Variants in NAV1 observed in about 807,000 individuals in gnomAD.
NAV1 encodes the protein pore membrane and/or filament interacting like protein 3.
Under a neutral mutation model 175.2 loss-of-function variants are expected in NAV1, and 18 were observed. That is an observed-to-expected ratio of 0.10 (90% confidence interval 0.07 to 0.15). The LOEUF (loss-of-function observed/expected upper bound fraction) is 0.15, where lower values mean the gene tolerates loss of function less well. NAV1 is among the 10% of genes least tolerant of loss of function. The probability of loss-of-function intolerance (pLI) is 1.00; values close to 1 mark genes in which losing one functional copy is unlikely to be tolerated. For synonymous variants in NAV1, 897 were observed against 978.7 expected (o/e 0.92, Z 1.56); for missense variants, 1,731 against 2,436.6 (o/e 0.71, Z 6.10).
chr1:201,776,335 CAAAAAA>C lies in NAV1; in HGVS notation c.1227-4067_1227-4062del, dbSNP rs71138352. Among the ~76,000 whole-genome samples, 361 of 71,900 alleles carry C rather than the reference CAAAAAA, an allele frequency of 5.0e-3. 1 individual carries two copies. Among genetic ancestry groups the C allele is most frequent in the Non-Finnish European group, 7.3e-3 (310 of 42,216 alleles). 47.2% of individuals were successfully genotyped at this position (71,900 alleles called of 152,430 possible). On this transcript the variant is annotated intron_variant, in intron 3 of 29. Transcript: ENST00000367296. ...GCAACATAAGGAGACCCTGACTCTA[CAAAAAA>C]AAAAAAAAAAAAAAAAAAGTTCGGG...
intron 3 of NAV1, among the ~76,000 whole-genome samples, chr1:201,767,384 G>A (rs1465524530): frequency 1.4e-4 from 19 of 136,578 alleles, no homozygotes; most frequent in South Asian, 2.2e-4. Context: ...CCAGGAGGTG[G>A]AGGTTGCAGT....
At chr1:201,579,777 G>C (rs1666795744) in intron 1 of NAV1, among the ~76,000 whole-genome samples, 1 of 152,092 alleles carries the variant, frequency 6.6e-6, no homozygotes, top group South Asian at 2.1e-4. Context: ...CTTGTATTAG[G>C]GTTCTTCAGA....
At chr1:201,607,655 C>T (rs146237033) in intron 2 of NAV1, among the ~76,000 whole-genome samples, 2,643 of 150,912 alleles carry the variant, frequency 0.018, 78 homozygotes, top group African/African-American at 0.061. Flanking sequence ...CCATACCCAG[C>T]TAATTTTTGT....
chr1:201,750,112 A>C lies in NAV1; in HGVS notation c.1227-30309A>C, dbSNP rs1189451881. Among the ~76,000 whole-genome samples the C allele has an allele frequency of 6.6e-6, 1 of 152,222 alleles. No individual in the cohort carries two copies. Among genetic ancestry groups the C allele is most frequent in the Non-Finnish European group, 1.5e-5 (1 of 68,040 alleles). On this transcript the variant is annotated intron_variant, in intron 3 of 29. Transcript: ENST00000367296. The surrounding 1 kb of genome is among the most constrained non-coding windows in gnomAD (Gnocchi z 4.1). ...TGAAGACTCAAGTTGGAAAAGCAGA[A>C]GTGTATCAGGAAAAATTCTATTGGT...
Position 201,813,244 on chromosome 1 carries a change from A to G in NAV1, c.5326A>G (p.Lys1776Glu). 6.2e-7 allele frequency: 1 copy of G among 1,612,624 alleles called. No homozygotes were observed. Among genetic ancestry groups the G allele is most frequent in the Non-Finnish European group, 8.5e-7 (1 of 1,178,644 alleles). Residue 1776 changes from lysine to glutamate, a missense_variant, in exon 28 of 30, where the codon AAG becomes GAG. Physicochemically the swap from Lys to Glu is moderately conservative, Grantham distance 56. Coordinates refer to ENST00000367296, the Ensembl canonical transcript of NAV1. The surrounding 1 kb of genome is among the most constrained non-coding windows in gnomAD (Gnocchi z 4.2). ...CATTCCCTATCTACAGGAAGGAGCC[A>G]AGGATGGGATAAAGGTGAGCCCTAC...
chr1:201,695,956 A>G (rs1229124834), intron 1 of NAV1, among the ~76,000 whole-genome samples: 1 of 152,208 alleles, frequency 6.6e-6, no homozygotes, highest in Non-Finnish European at 1.5e-5. Flanking sequence ...AGGAGAGCAG[A>G]AATGGGGCTG....
intron 2 of NAV1, among the ~76,000 whole-genome samples, chr1:201,594,453 T>C (rs1667295761): frequency 6.6e-6 from 1 of 152,142 alleles, no homozygotes; most frequent in Admixed American, 6.5e-5. Context: ...AAGAGAGCCC[T>C]GTAATCAGAG....
In NAV1 at chr1:201,561,365, ATCACAC is replaced by A. The variant is rs1247894596; in HGVS notation, c.-144+22024_-144+22029del. Reference sequence around the variant, plus strand: ...AAAAGAAGGTAAACGAATCTGCCCCATCACACATGGTGTTACGCAAAAACAGGATGT... The same window carrying A: ...AAAAGAAGGTAAACGAATCTGCCCCAATGGTGTTACGCAAAAACAGGATGT... On this transcript the variant is annotated intron_variant, in intron 1 of 33. Coordinates refer to the NAV1 transcript ENST00000685211. Among the ~76,000 whole-genome samples the A allele has an allele frequency of 2.6e-5, 4 of 152,340 alleles. No individual in the cohort carries two copies. In the East Asian group the frequency reaches 7.7e-4, roughly 29 times the overall value.
chr1:201,715,644 G>C (rs1672108489), intron 2 of NAV1, among the ~76,000 whole-genome samples: 1 of 152,214 alleles, frequency 6.6e-6, no homozygotes, highest in Non-Finnish European at 1.5e-5. Context: ...CATGCCAGCT[G>C]TGTGCCAGGC....
intron 3 of NAV1, among the ~76,000 whole-genome samples, chr1:201,776,818 T>C (rs1280625555): frequency 2.0e-5 from 3 of 151,844 alleles, no homozygotes; most frequent in Admixed American, 2.0e-4. Context: ...CTGAAGGTAA[T>C]GAGTGTGTAG....
intron 1 of NAV1, among the ~76,000 whole-genome samples, chr1:201,701,330 T>C (rs1388205320): frequency 1.3e-5 from 2 of 151,536 alleles, no homozygotes; most frequent in Non-Finnish European, 2.9e-5. Context: ...AGTTAATGGG[T>C]GCAACAAACC....
intron 1 of NAV1, among the ~76,000 whole-genome samples, chr1:201,583,391 AG>A (rs1399171328): frequency 6.6e-6 from 1 of 152,242 alleles, no homozygotes; most frequent in Admixed American, 6.5e-5. Flanking sequence ...TAAGACAAAA[AG>A]CTCGTTATCT....
intron 3 of NAV1, among the ~76,000 whole-genome samples, chr1:201,743,226 C>A (rs919701771): frequency 2.6e-5 from 4 of 152,188 alleles, no homozygotes; most frequent in African/African-American, 9.7e-5. Context: ...ACTATTCTTA[C>A]CAATACCAGT....
chr1:201,627,354 C>A (rs113606357), intron 1 of NAV1, among the ~76,000 whole-genome samples: 3 of 152,010 alleles, frequency 2.0e-5, no homozygotes, highest in African/African-American at 7.3e-5. Context: ...CTCACTGCAA[C>A]ATCCACCTCC....
At chr1:201,583,944 T>TA (rs1212375089) in intron 1 of NAV1, among the ~76,000 whole-genome samples, 1 of 152,236 alleles carries the variant, frequency 6.6e-6, no homozygotes, top group Non-Finnish European at 1.5e-5. Flanking sequence ...GCAAGTCACT[T>TA]ACTCTCTCTG....
rs1665426987 is a variant in NAV1 at position 201,539,143 on chromosome 1, C to A, written c.-343C>A. On this transcript the variant is annotated 5_prime_UTR_variant, in exon 1 of 34. Transcript: ENST00000685211. This position sits in a 1 kb window ranked among gnomAD's most constrained non-coding sequence, Gnocchi z 5.6. Reference sequence around the variant, plus strand: ...TCCCTCCTCATTGTGGGGCCGGGGCCGGCGGCTGCCCTAGTGCGGGGCCCG... The same window carrying A: ...TCCCTCCTCATTGTGGGGCCGGGGCAGGCGGCTGCCCTAGTGCGGGGCCCG... 6.6e-6 allele frequency among the ~76,000 whole-genome samples: 1 copy of A among 152,178 alleles called. No individual in the cohort carries two copies. The highest frequency in any genetic ancestry group is 2.1e-4 in the South Asian group (1 of 4,830).
In NAV1 at chr1:201,594,323, C is replaced by A. The variant is rs552143378; in HGVS notation, c.-33+5674C>A. On this transcript the variant is annotated intron_variant, in intron 2 of 33. Coordinates refer to the NAV1 transcript ENST00000685211. ...TCTTGGTCAAGGCAGGGTTGGGGCT[C>A]AGCATGACCCAGGAGAAAGGGAGGG... 3.3e-5 allele frequency among the ~76,000 whole-genome samples: 5 copies of A among 152,212 alleles called. No homozygotes were observed. In the East Asian group the frequency reaches 9.7e-4, roughly 29 times the overall value.
chr1:201,764,953 A>G lies in NAV1; in HGVS notation c.1227-15468A>G, dbSNP rs181465834. 8.5e-4 allele frequency among the ~76,000 whole-genome samples: 129 copies of G among 152,334 alleles called. 1 individual carries two copies. Among genetic ancestry groups the G allele is most frequent in the Middle Eastern group, 3.4e-3 (1 of 294 alleles). On this transcript the variant is annotated intron_variant, in intron 3 of 29. Transcript: ENST00000367296. The stretch of plus-strand genomic sequence containing the variant: ...TGGGGTTCTGCCTAGGTCTGGACCT[A>G]TGGCCCTATTGCCACCATTAAAAAC...
intron 1 of NAV1, 61 bp downstream of exon 5, chr1:201,649,486 A>G: frequency 1.4e-6 from 2 of 1,442,390 alleles, no homozygotes; most frequent in Non-Finnish European, 1.8e-6. Flanking sequence ...CTGCTGGGGA[A>G]GGTGTGGGGA....
Sources: gnomAD v4.1 joint callset for allele counts (sites outside exome capture counted in the v4.1 genomes callset) on GRCh38, gnomAD v4.1.1 for gene constraint, Gnocchi (gnomAD v3.1) non-coding constraint, MANE v1.5 for transcripts, NCBI Gene and HGNC (gene_info 2026-07-23, HGNC 2026-07-21) for gene names.